The following MAP1S variants were observed in gnomAD, a reference collection of about 807,000 sequenced individuals.
The protein encoded by MAP1S is microtubule associated protein 1S, also known as microtubule-associated protein 1S.
A neutral mutation model predicts 60.9 loss-of-function variants in MAP1S; 27 were observed. That is an observed-to-expected ratio of 0.44 (90% confidence interval 0.33 to 0.61). MAP1S has a LOEUF of 0.61. MAP1S is among the 20% of genes least tolerant of loss of function. The probability of loss-of-function intolerance (pLI) is 0.03; values close to 1 mark genes in which losing one functional copy is unlikely to be tolerated. For synonymous variants in MAP1S, 826 were observed against 694.2 expected, an observed-to-expected ratio of 1.19 and a Z score of -2.98; for missense variants, 1,608 against 1,486.6, an observed-to-expected ratio of 1.08 and a Z score of -1.34.
chr19:17,720,765 C>A, intron 1 of MAP1S, 171 bp from the exon 2 acceptor site: 1 of 659,608 alleles, frequency 1.5e-6, no homozygotes, highest in South Asian at 1.8e-5. Context: ...CTCTGGGTCC[C>A]CTGGCTCAGC....
At position 17,734,405 on chromosome 19, in the gene MAP1S, C is replaced by T. The variant is rs1433716206; in HGVS notation, c.3157C>T (p.Pro1053Ser). 1 of 1,612,798 alleles carries T rather than the reference C, an allele frequency of 6.2e-7. No individual in the cohort carries two copies. Among genetic ancestry groups the T allele is most frequent in the South Asian group, 1.1e-5 (1 of 91,070 alleles). The change falls in exon 7 of 7, where the codon CCG (proline) becomes TCG (serine). Residue 1053 changes from proline to serine, a missense_variant. Physicochemically the swap from Pro to Ser is moderately conservative, Grantham distance 74 (BLOSUM62 -1). Coordinates refer to ENST00000324096, the MANE Select transcript of MAP1S (RefSeq NM_018174.6). ...SMVSMQDDAF[P>S]ACKVEF ...GGTGTCCATGCAGGATGACGCCTTC[C>T]CGGCCTGCAAGGTGGAGTTCTAGCC...
At position 17,727,426 on chromosome 19, in the gene MAP1S, C is replaced by G; in HGVS notation, c.2042C>G (p.Ser681Ter). The G allele has an allele frequency of 6.2e-7, 1 of 1,601,116 alleles. No individual in the cohort carries two copies. Among genetic ancestry groups the G allele is most frequent in the Middle Eastern group, 1.7e-4 (1 of 6,048 alleles). ...TVTTPTVTTP[S>*]LPAEVGSPHS... ...ACCACACCCACGGTGACCACGCCCT[C>G]ACTACCCGCAGAGGTGGGCTCCCCG... is the stretch of plus-strand genomic sequence containing the variant. The change falls in exon 5 of 7, where the codon TCA (serine) becomes TGA (stop). Residue 681 changes from serine (S) to a stop codon, truncating the protein, a stop_gained. Transcript: ENST00000324096. LOFTEE classifies it high-confidence loss of function. The surrounding 1 kb of genome is among the most constrained non-coding windows in gnomAD (Gnocchi z 4.1).
rs901344122 is a variant in MAP1S, at chr19:17,734,491, G to T, written c.*63G>T. 2.1e-5 allele frequency: 32 copies of T among 1,548,674 alleles called. No homozygotes were observed. In the African/African-American group the frequency reaches 3.7e-4, roughly 18 times the overall value. On this transcript the variant is annotated 3_prime_UTR_variant, in exon 7 of 7. Coordinates refer to ENST00000324096, the MANE Select transcript of MAP1S (RefSeq NM_018174.6). ...CCTGTCCCTAGATTCAGCCACATCAGAAATAAACTGTGACTACACTTGGCT... is the reference window on the plus strand; with the variant it reads ...CCTGTCCCTAGATTCAGCCACATCATAAATAAACTGTGACTACACTTGGCT...
Position 17,733,225 on chromosome 19 carries a change from A to T in MAP1S, c.2821A>T (p.Thr941Ser). 1 of 1,542,830 alleles carries T rather than the reference A, an allele frequency of 6.5e-7. No homozygotes were observed. Among genetic ancestry groups the T allele is most frequent in the East Asian group, 2.5e-5 (1 of 40,602 alleles). ...CAGCAGCCGGCCCGGGGTGTCAGCC[A>T]CCCCACCCAAGTCCCCGGTCTACCT... Reference protein sequence around the residue: ...SASSRPGVSATPPKSPVYLDL... With the variant: ...SASSRPGVSASPPKSPVYLDL... Residue 941 changes from threonine to serine, a missense_variant, in exon 6 of 7, where the codon ACC (threonine) becomes TCC (serine). Thr to Ser is a moderately conservative substitution (Grantham distance 58, BLOSUM62 1). Coordinates refer to ENST00000324096, the MANE Select transcript of MAP1S (RefSeq NM_018174.6).
At position 17,727,487 on chromosome 19, in the gene MAP1S, C is replaced by T; in HGVS notation, c.2103C>T (p.Ser701=). ...STEVDESLSV[S]FEQVLPPSAP... Reference sequence around the variant, plus strand: ...AGGTGGACGAGTCCCTGTCGGTGTCCTTTGAGCAGGTGCTGCCGCCATCCG... The same window carrying T: ...AGGTGGACGAGTCCCTGTCGGTGTCTTTTGAGCAGGTGCTGCCGCCATCCG... Residue 701 remains serine, a synonymous_variant, in exon 5 of 7, where the codon TCC becomes TCT. Transcript: ENST00000324096. This position sits in a 1 kb window ranked among gnomAD's most constrained non-coding sequence, Gnocchi z 4.1. The T allele has an allele frequency of 1.5e-5, 24 of 1,610,802 alleles. No individual in the cohort carries two copies. Among genetic ancestry groups the T allele is most frequent in the Non-Finnish European group, 1.7e-5 (20 of 1,179,060 alleles).
chr19:17,726,788 G>A lies in MAP1S; in HGVS notation c.1404G>A (p.Gly468=). 1 of 1,556,938 alleles carries A rather than the reference G, an allele frequency of 6.4e-7. No homozygotes were observed. The highest frequency in any genetic ancestry group is 8.7e-7 in the Non-Finnish European group (1 of 1,152,380). The change falls in exon 5 of 7, where the codon GGG becomes GGA. Residue 468 remains glycine, a synonymous_variant. Coordinates refer to ENST00000324096, the MANE Select transcript of MAP1S (RefSeq NM_018174.6). ...CGCCCCAGGACCTGGAGGGGCCGGGGCGAGCCGAGAGCAAAGAGAGCGTGG... is the reference window on the plus strand; with the variant it reads ...CGCCCCAGGACCTGGAGGGGCCGGGACGAGCCGAGAGCAAAGAGAGCGTGG... ...VVTPQDLEGP[G]RAESKESVGS...
intron 5 of MAP1S, among the ~76,000 whole-genome samples, chr19:17,728,437 T>G (rs1458292501): frequency 6.6e-6 from 1 of 152,124 alleles, no homozygotes; most frequent in Non-Finnish European, 1.5e-5. Flanking sequence ...TTGGTAGAGA[T>G]AGGGTCTTAC....
At chr19:17,723,960 G>A (rs2080394037) in intron 2 of MAP1S, among the ~76,000 whole-genome samples, 166 bp from the exon 3 acceptor site, 3 of 152,220 alleles carry the variant, frequency 2.0e-5, no homozygotes, top group Admixed American at 2.0e-4. Context: ...TAGGCCAGCT[G>A]GGGTGGTTTG....
chr19:17,722,068 TC>T (rs2080375378), intron 2 of MAP1S, among the ~76,000 whole-genome samples: 1 of 152,146 alleles, frequency 6.6e-6, no homozygotes, highest in South Asian at 2.1e-4. Context: ...GAGCTGGAAA[TC>T]CTGTCTGCTG....
At chr19:17,720,284 C>T in intron 1 of MAP1S, 1 of 1,423,748 alleles carries the variant, frequency 7.0e-7, no homozygotes, top group Non-Finnish European at 9.2e-7. Flanking sequence ...CCTGGCGTTT[C>T]ATTGCATGTA....
At position 17,726,519 on chromosome 19, in the gene MAP1S, G is replaced by A; in HGVS notation, c.1135G>A (p.Ala379Thr). The change falls in exon 5 of 7, where the codon GCC becomes ACC. Residue 379 changes from alanine (A) to threonine (T), a missense_variant. Ala to Thr is a moderately conservative substitution (Grantham distance 58). Transcript: ENST00000324096. The part of the protein sequence containing the change: ...PLPLSRGPVP[A>T]KPTVLFEKMG... Reference sequence around the variant, plus strand: ...GCCACTCAGCCGCGGCCCCGTGCCAGCCAAACCCACCGTGCTCTTCGAGAA... The same window carrying A: ...GCCACTCAGCCGCGGCCCCGTGCCAACCAAACCCACCGTGCTCTTCGAGAA... 6.4e-7 allele frequency: 1 copy of A among 1,558,490 alleles called. No individual in the cohort carries two copies. Among genetic ancestry groups the A allele is most frequent in the Non-Finnish European group, 8.6e-7 (1 of 1,156,298 alleles).
intron 2 of MAP1S, 93 bp from the exon 3 acceptor site, chr19:17,724,033 G>T: frequency 3.3e-6 from 3 of 907,876 alleles, no homozygotes; most frequent in Admixed American, 1.9e-5. Context: ...ATCTCCATAT[G>T]ATCCCTGGGT....
Position 17,726,740 on chromosome 19 carries a change from G to T in MAP1S, c.1356G>T (p.Arg452Ser). Reference sequence around the variant, plus strand: ...GCCTGGTCCGCCTGCAGCACTTGAGGTTCCTGCGAGAGCCCGTGGTGACGC... The same window carrying T: ...GCCTGGTCCGCCTGCAGCACTTGAGTTTCCTGCGAGAGCCCGTGGTGACGC... Reference protein sequence around the residue: ...LDGLVRLQHLRFLREPVVTPQ... With the variant: ...LDGLVRLQHLSFLREPVVTPQ... Residue 452 changes from arginine (R) to serine (S), a missense_variant, in exon 5 of 7, where the codon AGG becomes AGT. Physicochemically the swap from Arg to Ser is moderately radical, Grantham distance 110. Transcript: ENST00000324096. 1 of 1,581,944 alleles carries T rather than the reference G, an allele frequency of 6.3e-7. No homozygotes were observed.
intron 6 of MAP1S, among the ~76,000 whole-genome samples, chr19:17,733,859 C>G (rs929111461): frequency 2.6e-5 from 4 of 152,230 alleles, no homozygotes; most frequent in African/African-American, 9.6e-5. Flanking sequence ...CCGCCTCACA[C>G]CGCGGCCCCT....
At chr19:17,724,880 C>A in intron 3 of MAP1S, 169 bp from the exon 4 acceptor site, 1 of 761,770 alleles carries the variant, frequency 1.3e-6, no homozygotes, top group South Asian at 1.6e-5. Flanking sequence ...TGCTCCAGGG[C>A]CCAGCAGGAG....
chr19:17,726,316 AGCGCTCCGAGGTG>A lies in MAP1S; in HGVS notation c.935_947del (p.Arg312LeufsTer44). 6.2e-7 allele frequency: 1 copy of A among 1,605,114 alleles called. No individual in the cohort carries two copies. ...AGCCTGCTGCGGCGCAAACTGGCGG[AGCGCTCCGAGGTG>A]GCTGCTGGTGGGGGCTCCTGGGACG... On this transcript the variant is annotated frameshift_variant, in exon 5 of 7. Coordinates refer to ENST00000324096, the MANE Select transcript of MAP1S (RefSeq NM_018174.6). LOFTEE classifies it high-confidence loss of function.
chr19:17,730,977 G>A (rs756208325), intron 5 of MAP1S, among the ~76,000 whole-genome samples: 15 of 147,864 alleles, frequency 1.0e-4, no homozygotes, highest in South Asian at 4.3e-4. Flanking sequence ...TGCAACCTCC[G>A]CCTCCCGGGT....
chr19:17,733,773 C>T (rs2080514471), intron 6 of MAP1S, among the ~76,000 whole-genome samples: 1 of 152,206 alleles, frequency 6.6e-6, no homozygotes. Context: ...GCTGAGAACC[C>T]TCCCCCATGG....
intron 5 of MAP1S, 69 bp downstream of exon 5, chr19:17,728,241 C>T (rs1264410563): frequency 5.5e-6 from 8 of 1,455,038 alleles, no homozygotes; most frequent in Non-Finnish European, 7.3e-6. Flanking sequence ...AGCTCGTCCC[C>T]CTGTTTTTAC....
Sources: allele counts gnomAD v4.1 joint callset (sites outside exome capture counted in the v4.1 genomes callset), GRCh38; gene constraint gnomAD v4.1.1; non-coding constraint Gnocchi (gnomAD v3.1); transcripts MANE v1.5; gene names NCBI Gene and HGNC (gene_info 2026-07-23, HGNC 2026-07-21).